Variants in SLC35D4 observed in about 807,000 individuals in gnomAD.
SLC35D4 encodes the protein solute carrier family 35 member D4, also known as UDP-N-acetylglucosamine transporter SLC35D4.
chr18:23,353,076 AGTGTGTGTGTGTGT>A, the SLC35D4 span, among the ~76,000 whole-genome samples: 34 of 126,604 alleles, frequency 2.7e-4, no homozygotes, highest in Admixed American at 4.1e-4. Context: ...TGAGACAGAC[AGTGTGTGTGTGTGT>A]GTGTGTGTGT....
chr18:23,328,898 A>C, the SLC35D4 span, among the ~76,000 whole-genome samples: 2 of 152,140 alleles, frequency 1.3e-5, no homozygotes, highest in Non-Finnish European at 2.9e-5. Flanking sequence ...CATAAATAAC[A>C]CCACACATCT....
At chr18:23,418,306 C>T in the SLC35D4 span, among the ~76,000 whole-genome samples, 1 of 150,678 alleles carries the variant, frequency 6.6e-6, no homozygotes, top group African/African-American at 2.4e-5. Context: ...CTTCTTAATA[C>T]TAGTTTTTTG....
chr18:23,423,906 G>A, the SLC35D4 span, among the ~76,000 whole-genome samples: 1 of 152,172 alleles, frequency 6.6e-6, no homozygotes, highest in Non-Finnish European at 1.5e-5. Context: ...TGACCCTAGA[G>A]AGAAGGGGCT....
chr18:23,249,482 T>C, the SLC35D4 span, among the ~76,000 whole-genome samples: 1 of 152,216 alleles, frequency 6.6e-6, no homozygotes, highest in Admixed American at 6.5e-5. Context: ...AAACTTGTCA[T>C]GGTGCAGGTG....
chr18:23,307,015 GT>G, the SLC35D4 span, among the ~76,000 whole-genome samples: 1 of 152,178 alleles, frequency 6.6e-6, no homozygotes, highest in Non-Finnish European at 1.5e-5. Flanking sequence ...GCTCAGTGTG[GT>G]TTCATTTCAG....
At chr18:23,411,546 A>AAAGG in the SLC35D4 span, among the ~76,000 whole-genome samples, 257 of 148,990 alleles carry the variant, frequency 1.7e-3, 1 homozygote, top group Middle Eastern at 7.0e-3. Context: ...AGAAAGAAAG[A>AAAGG]AAGAAAGGTG....
the SLC35D4 span, among the ~76,000 whole-genome samples, chr18:23,349,414 C>T: frequency 1.1e-4 from 16 of 152,262 alleles, no homozygotes; most frequent in East Asian, 5.8e-4. Context: ...AGGTGGATCA[C>T]GAGGTCAGAT....
chr18:23,310,187 C>T, the SLC35D4 span: 1 of 984,704 alleles, frequency 1.0e-6, no homozygotes, highest in Non-Finnish European at 1.2e-6. Flanking sequence ...GTCACCCAGC[C>T]TTTGTCCAAT....
the SLC35D4 span, chr18:23,385,148 A>C: frequency 7.1e-7 from 1 of 1,402,328 alleles, no homozygotes; most frequent in African/African-American, 1.4e-5. Context: ...TTGCTTAAAA[A>C]TAAAGAGCTG....
the SLC35D4 span, among the ~76,000 whole-genome samples, chr18:23,242,707 C>CT: frequency 0.061 from 9,231 of 152,266 alleles, 835 homozygotes; most frequent in Admixed American, 0.24. Flanking sequence ...AGAAAACCGA[C>CT]TAACATTGTT....
chr18:23,409,420 G>A, the SLC35D4 span, among the ~76,000 whole-genome samples: 1 of 152,146 alleles, frequency 6.6e-6, no homozygotes, highest in Admixed American at 6.5e-5. Flanking sequence ...CAGCCCTACT[G>A]CTGGACATTT....
chr18:23,385,556 C>T, the SLC35D4 span, among the ~76,000 whole-genome samples: 1 of 152,074 alleles, frequency 6.6e-6, no homozygotes, highest in East Asian at 1.9e-4. Flanking sequence ...GAGGGGCACA[C>T]CAAGATCCAG....
chr18:23,406,544 A>G, the SLC35D4 span, among the ~76,000 whole-genome samples: 3 of 152,228 alleles, frequency 2.0e-5, no homozygotes, highest in Non-Finnish European at 2.9e-5. Context: ...CTGAGCATCA[A>G]TCAATCAATC....
At chr18:23,276,278 T>C in the SLC35D4 span, among the ~76,000 whole-genome samples, 14 of 151,990 alleles carry the variant, frequency 9.2e-5, no homozygotes, top group African/African-American at 2.2e-4. Context: ...TTAGTACAGA[T>C]GGGGTTTCAC....
At chr18:23,267,599 C>G in the SLC35D4 span, among the ~76,000 whole-genome samples, 1 of 152,174 alleles carries the variant, frequency 6.6e-6, no homozygotes, top group African/African-American at 2.4e-5. Context: ...GCTGCCCACT[C>G]CCTGCACTGT....
At chr18:23,369,308 C>T in the SLC35D4 span, among the ~76,000 whole-genome samples, 1,602 of 152,298 alleles carry the variant, frequency 0.011, 29 homozygotes, top group African/African-American at 0.037. Flanking sequence ...CCCTTCAGAC[C>T]TTTTCTCTTT....
the SLC35D4 span, among the ~76,000 whole-genome samples, chr18:23,244,029 T>C: frequency 6.6e-6 from 1 of 152,252 alleles, no homozygotes; most frequent in Non-Finnish European, 1.5e-5. Context: ...TCTCTTTCTA[T>C]GTATTTGTCT....
At chr18:23,423,831 T>C in the SLC35D4 span, among the ~76,000 whole-genome samples, 1 of 152,148 alleles carries the variant, frequency 6.6e-6, no homozygotes, top group African/African-American at 2.4e-5. Flanking sequence ...GATTCAAAGC[T>C]TCTTGGAGAA....
the SLC35D4 span, among the ~76,000 whole-genome samples, chr18:23,343,559 T>C: frequency 6.6e-6 from 1 of 152,146 alleles, no homozygotes; most frequent in Non-Finnish European, 1.5e-5. Flanking sequence ...TATTTTTAAC[T>C]TGTATTTTTT....
Sources: gnomAD v4.1 joint callset for allele counts (sites outside exome capture counted in the v4.1 genomes callset) on GRCh38, gnomAD v4.1.1 for gene constraint, MANE v1.5 for transcripts, NCBI Gene and HGNC (gene_info 2026-07-23, HGNC 2026-07-21) for gene names.